The following CEP128 variants were observed in gnomAD, a reference collection of about 807,000 sequenced individuals.
The protein encoded by CEP128 is centrosomal protein 128kDa.
CEP128 carries 132 observed loss-of-function variants against 156.7 expected under a neutral mutation model. That is an observed-to-expected ratio of 0.84 (90% CI 0.73 to 0.97). The LOEUF is 0.97. CEP128 is among the 50% of genes least tolerant of loss of function. CEP128 has a pLI of 0.00. For synonymous variants in CEP128, 469 were observed against 448.9 expected (o/e 1.04, Z -0.57); for missense variants, 1,252 against 1,281.9 (o/e 0.98, Z 0.36).
chr14:80,805,451 T>C (rs1342334664), intron 13 of CEP128, among the ~76,000 whole-genome samples: 2 of 152,126 alleles, frequency 1.3e-5, no homozygotes, highest in African/African-American at 2.4e-5. Context: ...AGTCTGCCAA[T>C]GATATTATAA....
In CEP128 at chr14:80,504,960, G is replaced by C; in HGVS notation, c.3133C>G (p.Gln1045Glu). ...TRGLDHSSSW[Q>E]DHSRFLSSPR... ...CTAGACAGGAAGCGACTGTGATCCT[G>C]CCAAGAGGATGAGTGATCTAACCCA... The change falls in exon 24 of 25, where the codon CAG (glutamine) becomes GAG (glutamate). Residue 1045 changes from glutamine (Q) to glutamate (E), a missense_variant. Transcript: ENST00000555265. 1 of 1,606,446 alleles carries C rather than the reference G, an allele frequency of 6.2e-7. No homozygotes were observed. The highest frequency in any genetic ancestry group is 8.5e-7 in the Non-Finnish European group (1 of 1,175,672).
intron 19 of CEP128, among the ~76,000 whole-genome samples, chr14:80,621,761 G>A (rs1196358394): frequency 2.6e-5 from 4 of 151,964 alleles, no homozygotes; most frequent in East Asian, 3.9e-4. Flanking sequence ...ATTTTTTACC[G>A]ATAACTCAAG....
chr14:80,847,530 G>C (rs999026104), intron 9 of CEP128, among the ~76,000 whole-genome samples: 1 of 152,140 alleles, frequency 6.6e-6, no homozygotes, highest in Non-Finnish European at 1.5e-5. Flanking sequence ...AATGATAGTA[G>C]GTCAAAATTT....
chr14:80,880,495 T>A (rs978754506), intron 8 of CEP128, among the ~76,000 whole-genome samples: 8 of 151,856 alleles, frequency 5.3e-5, no homozygotes, highest in African/African-American at 1.2e-4. Flanking sequence ...AAAAAAGAAA[T>A]AAAATGCATC....
At chr14:80,809,289 T>C (rs1182453676) in intron 13 of CEP128, among the ~76,000 whole-genome samples, 1 of 151,868 alleles carries the variant, frequency 6.6e-6, no homozygotes, top group Non-Finnish European at 1.5e-5. Context: ...ATCTCAGAAA[T>C]TGAAGACCAG....
At chr14:80,621,693 C>G (rs1893486055) in intron 19 of CEP128, among the ~76,000 whole-genome samples, 1 of 152,170 alleles carries the variant, frequency 6.6e-6, no homozygotes, top group Non-Finnish European at 1.5e-5. Context: ...ATGTCAAGCT[C>G]CAAATCAGCT....
chr14:80,943,548 C>T (rs1034178654), upstream of CEP128, among the ~76,000 whole-genome samples: 1 of 152,210 alleles, frequency 6.6e-6, no homozygotes, highest in African/African-American at 2.4e-5. Context: ...ATAAATCAAA[C>T]ATTACAGGAC....
chr14:80,599,433 C>T (rs920577906), intron 19 of CEP128, among the ~76,000 whole-genome samples: 2 of 151,716 alleles, frequency 1.3e-5, no homozygotes, highest in Non-Finnish European at 2.9e-5. Flanking sequence ...CCACCACGCC[C>T]GGCTAATTTT....
intron 4 of CEP128, among the ~76,000 whole-genome samples, chr14:80,913,709 G>A (rs2139490062): frequency 6.6e-6 from 1 of 152,246 alleles, no homozygotes; most frequent in South Asian, 2.1e-4. Flanking sequence ...ATGGACATTG[G>A]AGACTCAGAA....
At chr14:80,572,119 A>C (rs1891164962) in intron 20 of CEP128, among the ~76,000 whole-genome samples, 1 of 152,192 alleles carries the variant, frequency 6.6e-6, no homozygotes, top group South Asian at 2.1e-4. Context: ...TCCTGACGGG[A>C]GTTAGCAAGT....
At chr14:80,919,800 AAGAC>A (rs1314724698) in intron 2 of CEP128, among the ~76,000 whole-genome samples, 2 of 152,206 alleles carry the variant, frequency 1.3e-5, no homozygotes, top group East Asian at 3.8e-4. Context: ...TACTTTTACT[AAGAC>A]AGAATCACAA....
At chr14:80,936,247 T>C (rs142552062) in intron 2 of CEP128, among the ~76,000 whole-genome samples, 2 of 152,320 alleles carry the variant, frequency 1.3e-5, no homozygotes, top group African/African-American at 4.8e-5. Context: ...CCAGGCACAG[T>C]GGCTCAGGCC....
chr14:80,712,236 G>C (rs1897438671), intron 19 of CEP128, among the ~76,000 whole-genome samples: 1 of 152,096 alleles, frequency 6.6e-6, no homozygotes, highest in African/African-American at 2.4e-5. Context: ...AAAGAGTTCT[G>C]TACTGGAGCT....
intron 21 of CEP128, among the ~76,000 whole-genome samples, chr14:80,544,915 T>C (rs1200249503): frequency 6.6e-6 from 1 of 152,192 alleles, no homozygotes; most frequent in African/African-American, 2.4e-5. Flanking sequence ...ATTTGTGTCT[T>C]CATAGAAGAT....
chr14:80,577,413 C>A (rs1321923094), intron 20 of CEP128, among the ~76,000 whole-genome samples: 1 of 152,180 alleles, frequency 6.6e-6, no homozygotes, highest in Non-Finnish European at 1.5e-5. Flanking sequence ...TCAACTTCCT[C>A]CTATATCACT....
intron 4 of CEP128, among the ~76,000 whole-genome samples, chr14:80,907,551 G>A (rs1034329832): frequency 1.3e-5 from 2 of 151,566 alleles, no homozygotes; most frequent in Non-Finnish European, 2.9e-5. Context: ...CCAACTACTC[G>A]GGAGGCTGAG....
At chr14:80,806,159 A>C (rs1351113618) in intron 13 of CEP128, among the ~76,000 whole-genome samples, 2 of 152,134 alleles carry the variant, frequency 1.3e-5, no homozygotes, top group South Asian at 2.1e-4. Flanking sequence ...AACAATATCA[A>C]TCCCAAATAA....
At chr14:80,794,797 T>C (rs1368831420) in intron 13 of CEP128, among the ~76,000 whole-genome samples, 1 of 150,734 alleles carries the variant, frequency 6.6e-6, no homozygotes, top group Admixed American at 6.7e-5. Flanking sequence ...TGATGGAGAG[T>C]TACCTAAAGG....
chr14:80,579,990 T>C (rs1041639498), intron 20 of CEP128, among the ~76,000 whole-genome samples: 6 of 152,228 alleles, frequency 3.9e-5, no homozygotes, highest in Non-Finnish European at 7.3e-5. Context: ...TGGTCATTAG[T>C]AGATGACACC....
Sources: gnomAD v4.1 joint callset for allele counts (sites outside exome capture counted in the v4.1 genomes callset) on GRCh38, gnomAD v4.1.1 for gene constraint, MANE v1.5 for transcripts, NCBI Gene and HGNC (gene_info 2026-07-23, HGNC 2026-07-21) for gene names.